The following TRAK1 variants were observed in gnomAD, a reference collection of about 807,000 sequenced individuals.
TRAK1 encodes trafficking kinesin-binding protein 1.
TRAK1 carries 33 observed loss-of-function variants against 92.1 expected under a neutral mutation model. The observed-to-expected ratio is 0.36, with a 90% CI of 0.27 to 0.48. The LOEUF (loss-of-function observed/expected upper bound fraction) is 0.48. Among genes scored for constraint, TRAK1 ranks in the 20% least tolerant of loss-of-function variants. The pLI is 0.99. For synonymous variants in TRAK1, 521 were observed against 517.3 expected, an observed-to-expected ratio of 1.01 and a Z score of -0.10; for missense variants, 1,123 against 1,257.9, an observed-to-expected ratio of 0.89 and a Z score of 1.62.
upstream of TRAK1, among the ~76,000 whole-genome samples, chr3:42,089,734 T>C (rs974533738): frequency 3.4e-5 from 5 of 148,834 alleles, no homozygotes; most frequent in African/African-American, 1.2e-4. Context: ...TCCTGTTTAA[T>C]TTTTTCCCCC....
chr3:42,023,970 G>A (rs540694400), intron 1 of TRAK1, among the ~76,000 whole-genome samples: 1 of 152,016 alleles, frequency 6.6e-6, no homozygotes, highest in Non-Finnish European at 1.5e-5. Flanking sequence ...GGCCAGGCTG[G>A]TCTCGAATTC....
In TRAK1 at chr3:42,204,294, A is replaced by C. The variant is rs143112853; in HGVS notation, c.1744+1542A>C. The C allele has an allele frequency of 5.2e-3, 4,929 of 956,204 alleles. 11 individuals are homozygous for C. The highest frequency in any genetic ancestry group is 8.6e-3 in the Middle Eastern group (16 of 1,856). The allele number at this position is 956,204 out of a possible 1,614,324, so 59.2% of individuals were successfully genotyped here. A position where few individuals can be genotyped will look rare whatever the true frequency, so the allele number is the denominator to read the frequency against. ...TATATTTGACTCTGTGTTTCATTAG[A>C]TCATCTAAGAATATGTTTTTGAATT... On this transcript the variant is annotated intron_variant, in intron 13 of 15. Coordinates refer to ENST00000327628, the MANE Select transcript of TRAK1 (RefSeq NM_001042646.3).
At chr3:42,075,623 A>G (rs1437721527) in intron 1 of TRAK1, among the ~76,000 whole-genome samples, 2 of 152,178 alleles carry the variant, frequency 1.3e-5, no homozygotes, top group East Asian at 3.9e-4. Flanking sequence ...GTGGATAAGC[A>G]TACCGTTTTC....
At chr3:42,070,361 T>G (rs1703884050) in intron 1 of TRAK1, among the ~76,000 whole-genome samples, 2 of 151,430 alleles carry the variant, frequency 1.3e-5, no homozygotes, top group African/African-American at 4.8e-5. Flanking sequence ...CATACTTGTT[T>G]TATTTTTCAT....
chr3:42,202,952 G>T lies in TRAK1; in HGVS notation c.1744+200G>T. ...TCCCTCCCCTCTGGCTGGCAGGTGT[G>T]ACAATGCACACATAGGCCATGAAAC... On this transcript the variant is annotated intron_variant, in intron 13 of 15. Coordinates refer to ENST00000327628, the MANE Select transcript of TRAK1 (RefSeq NM_001042646.3). The surrounding 1 kb of genome is among the most constrained non-coding windows in gnomAD (Gnocchi z 6.1). 1 of 1,395,942 alleles carries T rather than the reference G, an allele frequency of 7.2e-7. No homozygotes were observed. The highest frequency in any genetic ancestry group is 2.6e-5 in the East Asian group (1 of 38,598). The allele number at this position is 1,395,942 out of a possible 1,614,324, so 86.5% of individuals were successfully genotyped here.
At chr3:42,121,449 CAG>C (rs1470966951) in intron 1 of TRAK1, among the ~76,000 whole-genome samples, 1 of 151,882 alleles carries the variant, frequency 6.6e-6, no homozygotes, top group African/African-American at 2.4e-5. Context: ...TTAGTAGAAA[CAG>C]GGTTTCACCA....
intron 1 of TRAK1, among the ~76,000 whole-genome samples, chr3:42,061,575 C>A (rs1016655955): frequency 1.3e-5 from 2 of 152,032 alleles, no homozygotes; most frequent in Non-Finnish European, 2.9e-5. Flanking sequence ...GCCACTTGAA[C>A]TTTATTTAGT....
chr3:42,198,815 T>G (rs1383665243), intron 10 of TRAK1, among the ~76,000 whole-genome samples: 1 of 152,042 alleles, frequency 6.6e-6, no homozygotes, highest in Non-Finnish European at 1.5e-5. Flanking sequence ...TTCACCTGTC[T>G]CCATCATTCT....
rs148568284 is a variant in TRAK1 at position 42,201,047 on chromosome 3, G to A, written c.1420G>A (p.Asp474Asn). Residue 474 changes from aspartate (D) to asparagine (N), a missense_variant, in exon 12 of 16, where the codon GAC becomes AAC. By Grantham distance (23) the Asp-to-Asn change is conservative. This residue lies in a region of TRAK1 where 686 missense variants were observed against 747.6 expected (regional missense o/e 0.92). Coordinates refer to ENST00000327628, the MANE Select transcript of TRAK1 (RefSeq NM_001042646.3). ...NSIILETEAA[D>N]LGNDERSKKP... ...CATCATTCTGGAAACAGAGGCAGCC[G>A]ACCTGGGGTGAGCAAGCTGGGAGTT... The A allele has an allele frequency of 1.3e-3, 2,133 of 1,614,160 alleles. 22 individuals carry two copies. In the African/African-American group the frequency reaches 0.025, roughly 19 times the overall value.
At chr3:42,157,478 A>G (rs1194255474) in intron 2 of TRAK1, among the ~76,000 whole-genome samples, 1 of 146,788 alleles carries the variant, frequency 6.8e-6, no homozygotes, top group Non-Finnish European at 1.5e-5. Context: ...AAAAAAAAAA[A>G]AAAAAAAAAA....
At chr3:42,083,539 A>C (rs1170318647), upstream of TRAK1, among the ~76,000 whole-genome samples, 9 of 152,258 alleles carry the variant, frequency 5.9e-5, no homozygotes, top group Admixed American at 5.2e-4. Flanking sequence ...ACAGTAGCTT[A>C]ATTGGGTATA....
chr3:42,040,057 A>T (rs74848329), intron 1 of TRAK1, among the ~76,000 whole-genome samples: 17,165 of 151,194 alleles, frequency 0.11, 2,998 homozygotes, highest in African/African-American at 0.37. Flanking sequence ...TTTTTTTTTT[A>T]AATTGTGAGA....
chr3:42,046,394 A>G (rs1000905225), intron 1 of TRAK1, among the ~76,000 whole-genome samples: 2 of 151,312 alleles, frequency 1.3e-5, no homozygotes, highest in Non-Finnish European at 1.5e-5. Flanking sequence ...CTCCTAAGAG[A>G]CCCTTAGGAG....
intron 1 of TRAK1, among the ~76,000 whole-genome samples, chr3:42,101,898 C>G (rs987653803): frequency 3.9e-5 from 6 of 152,150 alleles, no homozygotes; most frequent in Non-Finnish European, 7.3e-5. Context: ...CTATTTACTC[C>G]GCGTTATTAA....
At chr3:42,212,535 T>C (rs1709178208) in intron 14 of TRAK1, 1 of 982,590 alleles carries the variant, frequency 1.0e-6, no homozygotes, top group African/African-American at 1.7e-5. Flanking sequence ...CACTTGTTGA[T>C]TTTTACAATC....
intron 2 of TRAK1, among the ~76,000 whole-genome samples, chr3:42,156,062 C>T (rs189529437): frequency 2.0e-5 from 3 of 152,178 alleles, no homozygotes; most frequent in Non-Finnish European, 1.5e-5. Context: ...GCCTTTGATA[C>T]GGCACACACA....
chr3:42,182,157 A>G (rs561627549), intron 3 of TRAK1, among the ~76,000 whole-genome samples: 32 of 152,126 alleles, frequency 2.1e-4, no homozygotes, highest in Non-Finnish European at 3.7e-4. Flanking sequence ...AGAGATGAGC[A>G]TCTCTGTTGA....
At chr3:42,148,026 A>G (rs1042681000) in intron 2 of TRAK1, among the ~76,000 whole-genome samples, 2 of 93,872 alleles carry the variant, frequency 2.1e-5, no homozygotes, top group Non-Finnish European at 4.8e-5. Flanking sequence ...ACATAGAAAC[A>G]CACACACACA....
At chr3:42,209,282 G>A (rs140966997) in intron 13 of TRAK1, among the ~76,000 whole-genome samples, 7 of 152,150 alleles carry the variant, frequency 4.6e-5, no homozygotes, top group African/African-American at 1.4e-4. Context: ...GCTGTTGGTC[G>A]TGGGCTTGGT....
Sources: allele counts gnomAD v4.1 joint callset (sites outside exome capture counted in the v4.1 genomes callset), GRCh38; gene constraint gnomAD v4.1.1; regional missense constraint gnomAD v4.1.1; non-coding constraint Gnocchi (gnomAD v3.1); transcripts MANE v1.5; gene names NCBI Gene and HGNC (gene_info 2026-07-23, HGNC 2026-07-21).